SORCS2: variants seen among roughly 807,000 people sequenced by gnomAD.
The protein encoded by SORCS2 is VPS10 domain-containing receptor SorCS2.
A neutral mutation model predicts 141.6 loss-of-function variants in SORCS2; 100 were observed. The ratio of observed to expected loss-of-function variants is 0.71; its 90% CI spans 0.60 to 0.83. SORCS2 has a LOEUF of 0.83. Among genes scored for constraint, SORCS2 ranks in the 40% least tolerant of loss-of-function variants. The pLI, the probability that SORCS2 is intolerant of heterozygous loss-of-function variation, is 0.00. For synonymous variants in SORCS2, 789 were observed against 676.9 expected (o/e 1.17, Z -2.57); for missense variants, 1,646 against 1,560.2 (o/e 1.05, Z -0.93).
At chr4:7,539,445 C>T (rs1189462097) in intron 3 of SORCS2, among the ~76,000 whole-genome samples, 1 of 152,222 alleles carries the variant, frequency 6.6e-6, no homozygotes, top group Admixed American at 6.5e-5. Flanking sequence ...TGTGTGCTTG[C>T]CAGAACACAG....
At chr4:7,674,014 G>C (rs938514602) in intron 8 of SORCS2, among the ~76,000 whole-genome samples, 2 of 152,226 alleles carry the variant, frequency 1.3e-5, no homozygotes, top group Non-Finnish European at 2.9e-5. Flanking sequence ...TGAGCAGGGA[G>C]GAAGGGGGAG....
chr4:7,376,154 G>A (rs1722637813), intron 1 of SORCS2, among the ~76,000 whole-genome samples: 1 of 152,144 alleles, frequency 6.6e-6, no homozygotes, highest in African/African-American at 2.4e-5. Flanking sequence ...AGCCTGCCTG[G>A]GCAGGACTCT....
At chr4:7,393,907 C>G (rs1415194035) in intron 1 of SORCS2, among the ~76,000 whole-genome samples, 1 of 152,116 alleles carries the variant, frequency 6.6e-6, no homozygotes, top group Admixed American at 6.5e-5. Flanking sequence ...GTGGTCTGAC[C>G]TCACTTCAGG....
rs535134463 is a variant in SORCS2 at position 7,569,709 on chromosome 4, G to A, written c.648+38080G>A. Among the ~76,000 whole-genome samples the A allele has an allele frequency of 1.8e-4, 28 of 152,230 alleles. No individual in the cohort carries two copies. In the South Asian group the frequency reaches 2.7e-3, roughly 15 times the overall value. ...AGTCCAGCCACCACAGGGCGGGGCCGTCTGCATATGGGTGCACGTCTTCTC... is the reference window on the plus strand; with the variant it reads ...AGTCCAGCCACCACAGGGCGGGGCCATCTGCATATGGGTGCACGTCTTCTC... On this transcript the variant is annotated intron_variant, in intron 3 of 26. Coordinates refer to ENST00000507866, the MANE Select transcript of SORCS2 (RefSeq NM_020777.3).
intron 3 of SORCS2, among the ~76,000 whole-genome samples, chr4:7,572,389 TTTAATCATTTACG>T (rs1197738616): frequency 0.011 from 1,676 of 152,332 alleles, 38 homozygotes; most frequent in African/African-American, 0.038. Flanking sequence ...GATGAAATCA[TTTAATCATTTACG>T]TTTAATCATT....
intron 3 of SORCS2, among the ~76,000 whole-genome samples, chr4:7,607,167 G>A (rs1422842044): frequency 6.6e-6 from 1 of 152,190 alleles, no homozygotes; most frequent in African/African-American, 2.4e-5. Context: ...CGCTTATGAA[G>A]CTGCAGGTTC....
At chr4:7,335,009 G>T (rs961982526) in intron 1 of SORCS2, among the ~76,000 whole-genome samples, 1 of 152,148 alleles carries the variant, frequency 6.6e-6, no homozygotes, top group Non-Finnish European at 1.5e-5. Flanking sequence ...GATGCAGTCG[G>T]CTGGGCCATG....
intron 4 of SORCS2, among the ~76,000 whole-genome samples, chr4:7,640,908 C>T (rs143945628): frequency 0.017 from 2,529 of 152,150 alleles, 72 homozygotes; most frequent in African/African-American, 0.057. Flanking sequence ...CAGATGGAAT[C>T]CAATCAGAGG....
intron 3 of SORCS2, among the ~76,000 whole-genome samples, chr4:7,598,839 C>G (rs370121358): frequency 3.3e-5 from 5 of 152,348 alleles, no homozygotes; most frequent in African/African-American, 4.8e-5. Flanking sequence ...TGTTCTCCCC[C>G]CCAGGCTGTG....
At chr4:7,255,978 C>T (rs1713845714) in intron 1 of SORCS2, among the ~76,000 whole-genome samples, 1 of 149,694 alleles carries the variant, frequency 6.7e-6, no homozygotes, top group South Asian at 2.2e-4. Flanking sequence ...AGCGTGGGGA[C>T]CCGGGATTGG....
At chr4:7,730,599 C>T (rs1711584322) in intron 23 of SORCS2, among the ~76,000 whole-genome samples, 1 of 152,182 alleles carries the variant, frequency 6.6e-6, no homozygotes, top group Non-Finnish European at 1.5e-5. Flanking sequence ...ATGGACGAAC[C>T]TTGAAAACAT....
chr4:7,522,620 C>G (rs1338379379), intron 2 of SORCS2, among the ~76,000 whole-genome samples: 2 of 152,056 alleles, frequency 1.3e-5, no homozygotes, highest in Non-Finnish European at 1.5e-5. Context: ...TTCCCCTTCC[C>G]CTTTTCCCTC....
chr4:7,590,589 G>A (rs1164190279), intron 3 of SORCS2, among the ~76,000 whole-genome samples: 2 of 152,206 alleles, frequency 1.3e-5, no homozygotes, highest in Admixed American at 1.3e-4. Flanking sequence ...CTGTGGGTGA[G>A]GATGGAGGTA....
chr4:7,300,323 G>C (rs190407005), intron 1 of SORCS2, among the ~76,000 whole-genome samples: 1 of 152,248 alleles, frequency 6.6e-6, no homozygotes, highest in East Asian at 1.9e-4. Context: ...CGGAGGGTGG[G>C]GGGTACTTTT....
intron 2 of SORCS2, among the ~76,000 whole-genome samples, chr4:7,528,411 T>TG (rs56931864): frequency 0.047 from 7,175 of 151,224 alleles, 318 homozygotes; most frequent in East Asian, 0.15. Context: ...CGTTTTTTTT[T>TG]TTGTTGTTGT....
intron 1 of SORCS2, among the ~76,000 whole-genome samples, chr4:7,222,208 G>A (rs1312622370): frequency 2.0e-5 from 3 of 152,206 alleles, no homozygotes; most frequent in Non-Finnish European, 2.9e-5. Flanking sequence ...GCTGCAGCAA[G>A]ATTCATGGTA....
intron 1 of SORCS2, among the ~76,000 whole-genome samples, chr4:7,271,611 C>T (rs559365889): frequency 4.6e-5 from 7 of 152,352 alleles, no homozygotes; most frequent in Admixed American, 2.0e-4. Context: ...AAAATGCCAT[C>T]GACTTCATCA....
intron 15 of SORCS2, 136 bp downstream of exon 15, chr4:7,712,989 G>A (rs1218086997): frequency 1.5e-6 from 2 of 1,335,842 alleles, no homozygotes; most frequent in Non-Finnish European, 2.0e-6. Flanking sequence ...GGAATCCCCA[G>A]CGCCTTGAGA....
intron 1 of SORCS2, among the ~76,000 whole-genome samples, chr4:7,237,320 G>T (rs993964194): frequency 2.0e-5 from 3 of 152,142 alleles, no homozygotes; most frequent in South Asian, 2.1e-4. Context: ...TTGAAGAAAG[G>T]CTTTATGCTC....
Sources: gnomAD v4.1 joint callset for allele counts (sites outside exome capture counted in the v4.1 genomes callset) on GRCh38, gnomAD v4.1.1 for gene constraint, MANE v1.5 for transcripts, NCBI Gene and HGNC (gene_info 2026-07-23, HGNC 2026-07-21) for gene names.